CSMD1: variants seen among roughly 807,000 people sequenced by gnomAD.
CSMD1 encodes CUB and Sushi multiple domains 1.
Under a neutral mutation model 417.5 loss-of-function variants are expected in CSMD1, and 213 were observed. That is an observed-to-expected ratio of 0.51 (90% confidence interval 0.46 to 0.57). CSMD1 has a LOEUF of 0.57. Among genes scored for constraint, CSMD1 ranks in the 20% least tolerant of loss-of-function variants. The pLI, the probability that CSMD1 is intolerant of heterozygous loss-of-function variation, is 0.00. For missense variants in CSMD1, 6,923 were observed against 4,529.7 expected (o/e 1.53, Z -15.17); for synonymous variants, 2,862 against 1,736.8 (o/e 1.65, Z -16.11).
chr8:3,814,150 T>C (rs1801241034), intron 5 of CSMD1, among the ~76,000 whole-genome samples: 1 of 152,200 alleles, frequency 6.6e-6, no homozygotes, highest in African/African-American at 2.4e-5. Context: ...CCCCAGATTC[T>C]GGTACCCCCA....
At chr8:3,840,379 GAAT>G (rs1451818641) in intron 5 of CSMD1, among the ~76,000 whole-genome samples, 2 of 152,124 alleles carry the variant, frequency 1.3e-5, no homozygotes, top group Non-Finnish European at 2.9e-5. Flanking sequence ...TGCTGAGGGA[GAAT>G]AATAGTGTGT....
intron 2 of CSMD1, among the ~76,000 whole-genome samples, chr8:4,621,311 G>T (rs1416313783): frequency 6.6e-6 from 1 of 152,024 alleles, no homozygotes; most frequent in Non-Finnish European, 1.5e-5. Flanking sequence ...ACTCATCAAA[G>T]AAGGTCAGGT....
chr8:3,586,118 C>T lies in CSMD1; in HGVS notation c.1222+18G>A, dbSNP rs530592299. 2 of 1,605,140 alleles carry T rather than the reference C, an allele frequency of 1.2e-6. No individual in the cohort carries two copies. The highest frequency in any genetic ancestry group is 1.1e-5 in the South Asian group (1 of 89,240). ...AAGAAAGAGATAATCCAGGCTTTAC[C>T]CACCGCAGGTGCCTTACCTCGGCAG... On this transcript the variant is annotated intron_variant, in intron 9 of 69. Coordinates refer to ENST00000635120, the MANE Select transcript of CSMD1 (RefSeq NM_033225.6).
chr8:4,669,594 G>A lies in CSMD1; in HGVS notation c.86-32036C>T, dbSNP rs1805165063. Among the ~76,000 whole-genome samples the A allele has an allele frequency of 1.3e-5, 2 of 152,060 alleles. 1 individual carries two copies. The highest frequency in any genetic ancestry group is 4.2e-4 in the South Asian group (2 of 4,812). On this transcript the variant is annotated intron_variant, in intron 1 of 69. Coordinates refer to ENST00000635120, the MANE Select transcript of CSMD1 (RefSeq NM_033225.6). ...CCAGAGAAGCACTCTGGAAGCATTA[G>A]GGTAGCTACTAAGTATTTCTGTTTA...
At chr8:4,555,046 G>C in intron 2 of CSMD1, among the ~76,000 whole-genome samples, 1 of 152,328 alleles carries the variant, frequency 6.6e-6, no homozygotes, top group African/African-American at 2.4e-5. Context: ...GTAGGAGCCA[G>C]CCCACGCAAT....
intron 25 of CSMD1, among the ~76,000 whole-genome samples, chr8:3,292,860 C>T (rs953713530): frequency 4.6e-5 from 7 of 151,596 alleles, no homozygotes; most frequent in African/African-American, 1.7e-4. Context: ...TGAATTTGAT[C>T]CTGTCATTAT....
At chr8:3,135,307 T>A (rs1288820325) in intron 41 of CSMD1, among the ~76,000 whole-genome samples, 1 of 152,242 alleles carries the variant, frequency 6.6e-6, no homozygotes, top group Admixed American at 6.5e-5. Context: ...ATACAAATAC[T>A]TCATTTACAT....
At chr8:4,880,594 G>C (rs1185139807) in intron 1 of CSMD1, among the ~76,000 whole-genome samples, 3 of 151,994 alleles carry the variant, frequency 2.0e-5, no homozygotes, top group African/African-American at 7.3e-5. Flanking sequence ...TGTTCTCAAA[G>C]CCCACATTGC....
At chr8:3,658,647 G>A (rs1473069642) in intron 7 of CSMD1, among the ~76,000 whole-genome samples, 2 of 151,932 alleles carry the variant, frequency 1.3e-5, no homozygotes, top group African/African-American at 2.4e-5. Context: ...GTTGGGCGTG[G>A]TGGTGCGTGC....
At chr8:3,427,902 A>G (rs562462490) in intron 12 of CSMD1, among the ~76,000 whole-genome samples, 99 of 152,346 alleles carry the variant, frequency 6.5e-4, no homozygotes, top group African/African-American at 2.3e-3. Flanking sequence ...TATGAGCTCA[A>G]CTGATAATTC....
chr8:3,587,450 A>G (rs1272070506), intron 8 of CSMD1, among the ~76,000 whole-genome samples: 3 of 152,230 alleles, frequency 2.0e-5, no homozygotes, highest in African/African-American at 4.8e-5. Flanking sequence ...GTGAAGGAAA[A>G]GAAGCACAGT....
chr8:3,301,104 G>T (rs1804368411), intron 25 of CSMD1, among the ~76,000 whole-genome samples: 1 of 151,946 alleles, frequency 6.6e-6, no homozygotes, highest in African/African-American at 2.4e-5. Flanking sequence ...GTCTATAGGG[G>T]AATAATACAT....
At chr8:3,289,543 T>A (rs1563230604) in intron 25 of CSMD1, among the ~76,000 whole-genome samples, 1 of 144,570 alleles carries the variant, frequency 6.9e-6, no homozygotes, top group Admixed American at 6.9e-5. Flanking sequence ...TGGTATCTCA[T>A]TGTGGTTTTG....
At chr8:3,603,453 G>A (rs566958960) in intron 8 of CSMD1, among the ~76,000 whole-genome samples, 3 of 152,278 alleles carry the variant, frequency 2.0e-5, no homozygotes, top group African/African-American at 7.2e-5. Flanking sequence ...AACCTGGACT[G>A]AGCGCCCAAT....
chr8:3,456,880 C>T (rs531571884), intron 12 of CSMD1, among the ~76,000 whole-genome samples: 28 of 152,152 alleles, frequency 1.8e-4, no homozygotes, highest in African/African-American at 6.7e-4. Flanking sequence ...TAAGCTCTAG[C>T]ACTGCACTAT....
At chr8:4,093,492 A>T (rs1800826270) in intron 3 of CSMD1, among the ~76,000 whole-genome samples, 1 of 152,230 alleles carries the variant, frequency 6.6e-6, no homozygotes, top group African/African-American at 2.4e-5. Flanking sequence ...CATAGATGTT[A>T]TGTTAGCTCA....
At chr8:3,543,237 G>A (rs1324933834) in intron 10 of CSMD1, among the ~76,000 whole-genome samples, 1 of 152,208 alleles carries the variant, frequency 6.6e-6, no homozygotes, top group Admixed American at 6.5e-5. Flanking sequence ...AGAAGCCCAG[G>A]ATGTGACGTA....
At chr8:4,945,229 T>G (rs1316896219) in intron 1 of CSMD1, among the ~76,000 whole-genome samples, 1 of 152,116 alleles carries the variant, frequency 6.6e-6, no homozygotes, top group Non-Finnish European at 1.5e-5. Context: ...AGAATGGTGA[T>G]TGCCAGAGGC....
At chr8:4,667,173 C>G (rs1278685303) in intron 1 of CSMD1, among the ~76,000 whole-genome samples, 2 of 151,936 alleles carry the variant, frequency 1.3e-5, no homozygotes, top group African/African-American at 4.8e-5. Context: ...ATATGTAGGC[C>G]TATTTGTGGA....
Sources: allele counts gnomAD v4.1 joint callset (sites outside exome capture counted in the v4.1 genomes callset), GRCh38; gene constraint gnomAD v4.1.1; transcripts MANE v1.5; gene names NCBI Gene and HGNC (gene_info 2026-07-23, HGNC 2026-07-21).